Variants in SEMA3A observed in about 807,000 individuals in gnomAD.
SEMA3A encodes semaphorin 3A.
Under a neutral mutation model 97.9 loss-of-function variants are expected in SEMA3A, and 29 were observed. That is an observed-to-expected ratio of 0.30 (90% CI 0.22 to 0.40). The LOEUF is 0.40. SEMA3A is among the 10% of genes least tolerant of loss of function. The pLI, the probability that SEMA3A is intolerant of heterozygous loss-of-function variation, is 1.00. For missense variants in SEMA3A, 763 were observed against 951.3 expected (o/e 0.80, Z 2.60); for synonymous variants, 321 against 323.7 (o/e 0.99, Z 0.09).
intron 4 of SEMA3A, among the ~76,000 whole-genome samples, chr7:84,081,594 TAA>T (rs5885397): frequency 2.4e-3 from 270 of 113,980 alleles, no homozygotes; most frequent in Admixed American, 1.0e-2. Flanking sequence ...CTCCGTCTCT[TAA>T]AAAAAAAAAA....
At chr7:84,111,848 A>G (rs971803515) in intron 3 of SEMA3A, among the ~76,000 whole-genome samples, 8 of 152,152 alleles carry the variant, frequency 5.3e-5, no homozygotes, top group African/African-American at 1.9e-4. Flanking sequence ...ATGAGGAAAA[A>G]TTTCCTAGCT....
At chr7:84,031,102 C>T (rs1791733898) in intron 6 of SEMA3A, among the ~76,000 whole-genome samples, 1 of 151,176 alleles carries the variant, frequency 6.6e-6, no homozygotes, top group Non-Finnish European at 1.5e-5. Flanking sequence ...AAGCGATTCC[C>T]ATGCCTGAGC....
chr7:84,003,760 T>TTGA (rs1790551922), intron 11 of SEMA3A, among the ~76,000 whole-genome samples: 1 of 152,116 alleles, frequency 6.6e-6, no homozygotes, highest in Admixed American at 6.6e-5. Context: ...CAATTATAAT[T>TTGA]TGATGTTAAA....
At chr7:84,390,235 A>C (rs903117697) in intron 1 of SEMA3A, among the ~76,000 whole-genome samples, 1 of 151,702 alleles carries the variant, frequency 6.6e-6, no homozygotes, top group Non-Finnish European at 1.5e-5. Flanking sequence ...AGACTTGTAA[A>C]ATTTCTTTCA....
chr7:84,318,050 A>T (rs1801552393), intron 2 of SEMA3A, among the ~76,000 whole-genome samples: 2 of 152,130 alleles, frequency 1.3e-5, no homozygotes, highest in South Asian at 4.1e-4. Flanking sequence ...CATTAAAATG[A>T]ATAAACAATA....
intron 3 of SEMA3A, among the ~76,000 whole-genome samples, chr7:84,249,681 G>A (rs1799562294): frequency 6.6e-6 from 1 of 151,716 alleles, no homozygotes; most frequent in Non-Finnish European, 1.5e-5. Context: ...CTTATGTCAT[G>A]TAATATGTGG....
At chr7:84,397,986 A>G (rs2116198823) in intron 1 of SEMA3A, among the ~76,000 whole-genome samples, 1 of 152,290 alleles carries the variant, frequency 6.6e-6, no homozygotes, top group South Asian at 2.1e-4. Context: ...TTGCACCTGT[A>G]TGCCATGCAT....
At chr7:84,017,703 C>T (rs1791161172) in intron 6 of SEMA3A, among the ~76,000 whole-genome samples, 1 of 152,168 alleles carries the variant, frequency 6.6e-6, no homozygotes, top group African/African-American at 2.4e-5. Context: ...TTTTCTACTT[C>T]TTCAGTCCCA....
intron 1 of SEMA3A, among the ~76,000 whole-genome samples, chr7:84,148,974 T>C (rs1292418657): frequency 6.6e-6 from 1 of 152,194 alleles, no homozygotes; most frequent in Non-Finnish European, 1.5e-5. Context: ...CAGAAGGCTG[T>C]TAGTAGTTAA....
chr7:84,364,135 T>A (rs1490135093), intron 2 of SEMA3A, among the ~76,000 whole-genome samples: 1 of 151,700 alleles, frequency 6.6e-6, no homozygotes, highest in Non-Finnish European at 1.5e-5. Flanking sequence ...AATAAATATA[T>A]ATTATAAAAT....
intron 13 of SEMA3A, among the ~76,000 whole-genome samples, chr7:83,985,082 C>T (rs567468901): frequency 6.6e-6 from 1 of 151,818 alleles, no homozygotes; most frequent in East Asian, 1.9e-4. Context: ...TATCACAATG[C>T]TATTTCAGGG....
In SEMA3A at chr7:83,961,217, A is replaced by T. The variant is rs1478863266; in HGVS notation, c.*154T>A. On this transcript the variant is annotated 3_prime_UTR_variant, in exon 17 of 17. Coordinates refer to ENST00000265362, the MANE Select transcript of SEMA3A (RefSeq NM_006080.3). ...AGCCTATTAGGAAAGTTACTCATGG[A>T]TTTAATTTATAATTGGTGGAACTCA... 2 of 662,020 alleles carry T rather than the reference A, an allele frequency of 3.0e-6. No homozygotes were observed. Among genetic ancestry groups the T allele is most frequent in the African/African-American group, 3.6e-5 (2 of 55,050 alleles). 41.0% of individuals were successfully genotyped at this position (662,020 alleles called of 1,614,324 possible).
chr7:84,152,735 T>C (rs1484520974), intron 1 of SEMA3A, among the ~76,000 whole-genome samples: 1 of 152,046 alleles, frequency 6.6e-6, no homozygotes, highest in Non-Finnish European at 1.5e-5. Flanking sequence ...TGAGATTATG[T>C]ACTTGGCTGT....
chr7:84,086,276 A>T (rs62477260), intron 4 of SEMA3A, among the ~76,000 whole-genome samples: 62,406 of 150,976 alleles, frequency 0.41, 14,712 homozygotes, highest in Admixed American at 0.52. Context: ...GCTCGTTCCT[A>T]CAACAGTCTC....
chr7:84,402,814 T>A (rs1214697567), intron 1 of SEMA3A, among the ~76,000 whole-genome samples: 1 of 152,164 alleles, frequency 6.6e-6, no homozygotes, highest in African/African-American at 2.4e-5. Context: ...AGACAAGGTA[T>A]AGAAAGACAA....
chr7:84,248,755 C>T (rs1799532379), intron 3 of SEMA3A, among the ~76,000 whole-genome samples: 1 of 151,160 alleles, frequency 6.6e-6, no homozygotes, highest in African/African-American at 2.4e-5. Flanking sequence ...CTCCCTCCCT[C>T]TCTCTCTTTT....
intron 14 of SEMA3A, among the ~76,000 whole-genome samples, chr7:83,979,918 G>GACAT (rs1289261346): frequency 1.3e-5 from 2 of 151,986 alleles, no homozygotes; most frequent in Non-Finnish European, 2.9e-5. Context: ...AATGTTGTAG[G>GACAT]ACATACCTCA....
chr7:84,166,276 GAA>G (rs58279881), intron 1 of SEMA3A, among the ~76,000 whole-genome samples: 4 of 130,410 alleles, frequency 3.1e-5, no homozygotes, highest in African/African-American at 5.6e-5. Context: ...GGACCCTGTG[GAA>G]AAAAAAAAAA....
chr7:84,172,462 A>G (rs573339999), intron 1 of SEMA3A, among the ~76,000 whole-genome samples: 32 of 152,094 alleles, frequency 2.1e-4, no homozygotes, highest in South Asian at 4.2e-4. Flanking sequence ...TCGCTCTGTC[A>G]CCCAGGCTGG....
Sources: gnomAD v4.1 joint callset for allele counts (sites outside exome capture counted in the v4.1 genomes callset) on GRCh38, gnomAD v4.1.1 for gene constraint, MANE v1.5 for transcripts, NCBI Gene and HGNC (gene_info 2026-07-23, HGNC 2026-07-21) for gene names.